MAGI2: variants seen among roughly 807,000 people sequenced by gnomAD.
MAGI2 encodes membrane associated guanylate kinase, WW and PDZ domain containing 2.
In MAGI2, 35 loss-of-function variants were observed where a neutral mutation model predicts 133.3. That is an observed-to-expected ratio of 0.26 (90% CI 0.20 to 0.35). The LOEUF is 0.35. Among genes scored for constraint, MAGI2 ranks in the 10% least tolerant of loss-of-function variants. MAGI2 has a pLI of 1.00. For missense variants in MAGI2, 1,636 were observed against 1,863.4 expected (o/e 0.88, Z 2.25); for synonymous variants, 729 against 710.6 (o/e 1.03, Z -0.41).
intron 6 of MAGI2, among the ~76,000 whole-genome samples, chr7:78,409,866 G>A (rs781558534): frequency 6.6e-6 from 1 of 152,050 alleles, no homozygotes; most frequent in Non-Finnish European, 1.5e-5. Flanking sequence ...TTACAAATTT[G>A]TTATTCAATT....
At chr7:79,418,177 A>G (rs972810430) in intron 1 of MAGI2, among the ~76,000 whole-genome samples, 5 of 152,126 alleles carry the variant, frequency 3.3e-5, no homozygotes, top group African/African-American at 1.2e-4. Flanking sequence ...CCTTAAATCA[A>G]TGAAACACAG....
chr7:78,679,183 C>T (rs1339347129), intron 2 of MAGI2, among the ~76,000 whole-genome samples: 1 of 152,136 alleles, frequency 6.6e-6, no homozygotes, highest in African/African-American at 2.4e-5. Flanking sequence ...CCTTTCCTTT[C>T]ACTCTTTTCT....
At chr7:79,353,520 C>T (rs1841825232) in intron 1 of MAGI2, 2 of 454,864 alleles carry the variant, frequency 4.4e-6, no homozygotes, top group Non-Finnish European at 4.4e-6. Flanking sequence ...TTGGAATCAT[C>T]TCCTGCAGCT....
chr7:78,730,353 C>T (rs529829642), intron 2 of MAGI2, among the ~76,000 whole-genome samples: 4 of 148,200 alleles, frequency 2.7e-5, no homozygotes, highest in Admixed American at 6.8e-5. Flanking sequence ...ATGAATTCCA[C>T]GAATATAAAA....
Position 79,342,790 on chromosome 7 carries a change from G to A in MAGI2, c.301+110230C>T, listed in dbSNP as rs1461328520. ...TTATTTATTTTTGAGACAGAGTTTC[G>A]CTTTTGTTGCCCAAGGTGGAGTGCA... On this transcript the variant is annotated intron_variant, in intron 1 of 21. Transcript: ENST00000354212. Among the ~76,000 whole-genome samples the A allele has an allele frequency of 4.6e-5, 7 of 151,458 alleles. No individual in the cohort carries two copies. In the South Asian group the frequency reaches 6.3e-4, roughly 14 times the overall value.
At chr7:78,869,712 CACTT>C (rs1794869375) in intron 2 of MAGI2, among the ~76,000 whole-genome samples, 1 of 152,134 alleles carries the variant, frequency 6.6e-6, no homozygotes, top group Non-Finnish European at 1.5e-5. Context: ...CATGAGAACT[CACTT>C]ACTATCACAA....
intron 1 of MAGI2, among the ~76,000 whole-genome samples, chr7:79,275,427 G>C (rs1397007152): frequency 6.6e-6 from 1 of 152,178 alleles, no homozygotes; most frequent in Non-Finnish European, 1.5e-5. Context: ...GGCTGAAAAA[G>C]ATAAGAAAGC....
At chr7:78,362,766 G>A (rs540211714) in intron 7 of MAGI2, among the ~76,000 whole-genome samples, 131 of 152,294 alleles carry the variant, frequency 8.6e-4, no homozygotes, top group African/African-American at 3.1e-3. Flanking sequence ...GGAGTTTACT[G>A]ATTTATGCTT....
intron 1 of MAGI2, among the ~76,000 whole-genome samples, chr7:79,046,426 G>GGA (rs763005281): frequency 2.6e-4 from 39 of 152,234 alleles, no homozygotes; most frequent in South Asian, 8.3e-4. Flanking sequence ...TCAGACATCT[G>GGA]GACTCCAGAA....
chr7:78,950,916 C>T (rs558086348), intron 2 of MAGI2, among the ~76,000 whole-genome samples: 1 of 149,852 alleles, frequency 6.7e-6, no homozygotes, highest in African/African-American at 2.5e-5. Flanking sequence ...GTCCTCTATT[C>T]TTAGAATAAG....
chr7:79,236,714 T>C (rs961095330), intron 1 of MAGI2, among the ~76,000 whole-genome samples: 1 of 152,232 alleles, frequency 6.6e-6, no homozygotes, highest in Non-Finnish European at 1.5e-5. Context: ...TCACAGAACA[T>C]TTTAATATCA....
At chr7:79,294,189 A>AG (rs1836728570) in intron 1 of MAGI2, among the ~76,000 whole-genome samples, 1 of 152,038 alleles carries the variant, frequency 6.6e-6, no homozygotes, top group East Asian at 1.9e-4. Context: ...AAAAAAAAAA[A>AG]AAAAAAGGAA....
intron 2 of MAGI2, among the ~76,000 whole-genome samples, chr7:78,939,039 G>T (rs1800766288): frequency 6.6e-6 from 1 of 152,100 alleles, no homozygotes; most frequent in Non-Finnish European, 1.5e-5. Flanking sequence ...TGACTCCCAG[G>T]TTGGAATGCA....
chr7:78,988,160 A>G (rs1260775829), intron 2 of MAGI2, among the ~76,000 whole-genome samples: 2 of 152,060 alleles, frequency 1.3e-5, no homozygotes, highest in Non-Finnish European at 2.9e-5. Context: ...ACGAGAGATG[A>G]AGGAAGTTCA....
chr7:78,244,295 C>T (rs957350292), intron 10 of MAGI2, among the ~76,000 whole-genome samples: 18 of 148,574 alleles, frequency 1.2e-4, no homozygotes, highest in African/African-American at 4.5e-4. Flanking sequence ...CTTTTGAAAA[C>T]CTGAATAAAA....
chr7:78,503,555 T>TCTCCCCCTCCCC (rs1156325567), intron 4 of MAGI2, among the ~76,000 whole-genome samples: 2 of 45,494 alleles, frequency 4.4e-5, no homozygotes, highest in Non-Finnish European at 8.1e-5. Context: ...ACTCACTCCA[T>TCTCCCCCTCCCC]CTCCCCCTCC....
chr7:78,020,763 T>A (rs1353437731), intron 21 of MAGI2, among the ~76,000 whole-genome samples: 1 of 152,148 alleles, frequency 6.6e-6, no homozygotes. Flanking sequence ...TCAAAGCATA[T>A]TCCTAGCTGC....
chr7:78,366,803 C>A (rs1793425086), intron 7 of MAGI2, among the ~76,000 whole-genome samples: 1 of 152,008 alleles, frequency 6.6e-6, no homozygotes, highest in African/African-American at 2.4e-5. Flanking sequence ...TCTGTGTGGC[C>A]TGCTACACCC....
intron 1 of MAGI2, among the ~76,000 whole-genome samples, chr7:79,427,415 A>C (rs1051517698): frequency 6.6e-6 from 1 of 152,170 alleles, no homozygotes; most frequent in Non-Finnish European, 1.5e-5. Flanking sequence ...AAAAGATGCC[A>C]TCTATCGAAA....
Sources: allele counts gnomAD v4.1 joint callset (sites outside exome capture counted in the v4.1 genomes callset), GRCh38; gene constraint gnomAD v4.1.1; transcripts MANE v1.5; gene names NCBI Gene and HGNC (gene_info 2026-07-23, HGNC 2026-07-21).